Variants in SLC37A1 observed in about 807,000 individuals in gnomAD.
The protein encoded by SLC37A1 is solute carrier family 37 member 1, also known as glucose-6-phosphate exchanger SLC37A1.
Under a neutral mutation model 75.3 loss-of-function variants are expected in SLC37A1, and 49 were observed. The observed-to-expected ratio is 0.65, with a 90% CI of 0.52 to 0.83. The LOEUF (loss-of-function observed/expected upper bound fraction) is 0.83, where lower values mean the gene tolerates loss of function less well. SLC37A1 is among the 40% of genes least tolerant of loss of function. The probability of loss-of-function intolerance (pLI) is 0.00; values close to 1 mark genes in which losing one functional copy is unlikely to be tolerated. For synonymous variants in SLC37A1, 268 were observed against 292.1 expected, an observed-to-expected ratio of 0.92 and a Z score of 0.84; for missense variants, 566 against 695.0, an observed-to-expected ratio of 0.81 and a Z score of 2.09.
rs1483097031 is a variant in SLC37A1, at chr21:42,564,752, G to T, written c.1180G>T (p.Ala394Ser). Residue 394 changes from alanine to serine, a missense_variant, in exon 14 of 20, where the codon GCC (alanine) becomes TCC (serine). By Grantham distance (99) the Ala-to-Ser change is moderately conservative. Coordinates refer to ENST00000352133, the MANE Select transcript of SLC37A1 (RefSeq NM_001320537.2). ...GATCTCAGACCGACTGGAGAAAAGG[G>T]CCTCCACCTGCGGCCTGATGCTGCT... ...GVISDRLEKR[A>S]STCGLMLLLA... 6.2e-7 allele frequency: 1 copy of T among 1,609,390 alleles called. No homozygotes were observed. The highest frequency in any genetic ancestry group is 1.1e-5 in the South Asian group (1 of 91,088).
At chr21:42,529,517 G>A (rs536007670) in intron 3 of SLC37A1, among the ~76,000 whole-genome samples, 4 of 152,198 alleles carry the variant, frequency 2.6e-5, no homozygotes, top group Non-Finnish European at 4.4e-5. Flanking sequence ...CCACACCACC[G>A]CACTCCAGCC....
intron 3 of SLC37A1, 34 bp downstream of exon 3, chr21:42,525,891 T>G (rs2054777444): frequency 6.5e-7 from 1 of 1,542,352 alleles, no homozygotes; most frequent in Non-Finnish European, 9.0e-7. Context: ...CTGTCGTCTC[T>G]GTGAGGAGTT....
chr21:42,530,655 C>CACACACACACACACACACACA (rs1491531929), intron 3 of SLC37A1, among the ~76,000 whole-genome samples: 4 of 25,888 alleles, frequency 1.5e-4, no homozygotes, highest in Admixed American at 6.0e-4. Flanking sequence ...CACACACACA[C>CACACACACACACACACACACA]CCCCTCTGTG....
At chr21:42,573,570 T>G (rs543761025) in intron 17 of SLC37A1, among the ~76,000 whole-genome samples, 10 of 152,000 alleles carry the variant, frequency 6.6e-5, no homozygotes, top group African/African-American at 2.4e-4. Flanking sequence ...AGATAACACA[T>G]GAGTAGCCGA....
Position 42,574,834 on chromosome 21 carries a change from C to G in SLC37A1, c.1440C>G (p.Pro480=), listed in dbSNP as rs746938959. 1.2e-6 allele frequency: 2 copies of G among 1,614,160 alleles called. No individual in the cohort carries two copies. The highest frequency in any genetic ancestry group is 4.5e-5 in the East Asian group (2 of 44,884). ...GTGSVGAALG[P]LLAGLLSPSG... ...TGATTTCAGGAGCAGCCCTGGGCCC[C>G]CTGCTGGCTGGGCTCCTCTCCCCGT... Residue 480 remains proline, a synonymous_variant, in exon 18 of 20, where the codon CCC becomes CCG. Transcript: ENST00000352133.
chr21:42,556,605 T>G (rs2055697929), intron 10 of SLC37A1, among the ~76,000 whole-genome samples: 1 of 152,054 alleles, frequency 6.6e-6, no homozygotes, highest in South Asian at 2.1e-4. Flanking sequence ...AAGCGTGGAG[T>G]GCACTGGCCA....
At chr21:42,531,555 CT>C (rs1204239360) in intron 3 of SLC37A1, among the ~76,000 whole-genome samples, 2 of 152,160 alleles carry the variant, frequency 1.3e-5, no homozygotes, top group Non-Finnish European at 2.9e-5. Context: ...AAGAAAGCTG[CT>C]TTTATGAAAG....
intron 3 of SLC37A1, among the ~76,000 whole-genome samples, chr21:42,530,794 TG>T (rs1052120599): frequency 4.5e-4 from 68 of 152,268 alleles, no homozygotes; most frequent in Non-Finnish European, 5.1e-4. Context: ...CCCTCCAGAC[TG>T]CCTGATAATC....
At chr21:42,575,833 A>C (rs1298508721) in intron 18 of SLC37A1, 12 of 985,268 alleles carry the variant, frequency 1.2e-5, no homozygotes, top group African/African-American at 1.7e-5. Context: ...CTATGAACTT[A>C]CTAGGTTTAA....
intron 9 of SLC37A1, among the ~76,000 whole-genome samples, chr21:42,549,265 G>A (rs563131482): frequency 6.6e-5 from 10 of 152,304 alleles, no homozygotes; most frequent in South Asian, 6.2e-4. Flanking sequence ...GGAAGCAGGC[G>A]TGCAGGGGGT....
Position 42,547,007 on chromosome 21 carries a change from G to T in SLC37A1, c.731-96G>T, listed in dbSNP as rs558287928. On this transcript the variant is annotated intron_variant, in intron 8 of 19. Coordinates refer to ENST00000352133, the MANE Select transcript of SLC37A1 (RefSeq NM_001320537.2). This position sits in a 1 kb window ranked among gnomAD's most constrained non-coding sequence, Gnocchi z 6.1. Reference sequence around the variant, plus strand: ...CTGCATACAGTCCAGTTTCACACCCGGTGCTCCCGTGTTGCCCTGTCCTCG... The same window carrying T: ...CTGCATACAGTCCAGTTTCACACCCTGTGCTCCCGTGTTGCCCTGTCCTCG... The T allele has an allele frequency of 4.9e-6, 7 of 1,424,928 alleles. No individual in the cohort carries two copies. The highest frequency in any genetic ancestry group is 6.9e-6 in the Non-Finnish European group (7 of 1,010,610). 88.3% of individuals were successfully genotyped at this position (1,424,928 alleles called of 1,614,324 possible).
At chr21:42,568,037 G>A (rs115541929) in intron 16 of SLC37A1, among the ~76,000 whole-genome samples, 7,036 of 152,384 alleles carry the variant, frequency 0.046, 502 homozygotes, top group African/African-American at 0.15. Context: ...GCAGGGGCGC[G>A]CGTTGCGCAC....
At chr21:42,524,521 A>T (rs2054732139) in intron 2 of SLC37A1, among the ~76,000 whole-genome samples, 1 of 152,186 alleles carries the variant, frequency 6.6e-6, no homozygotes, top group Non-Finnish European at 1.5e-5. Context: ...GCCGTGAAAT[A>T]TTTATATGTC....
intron 9 of SLC37A1, among the ~76,000 whole-genome samples, chr21:42,551,876 A>C (rs572857346): frequency 2.1e-4 from 32 of 151,976 alleles, no homozygotes; most frequent in African/African-American, 7.5e-4. Flanking sequence ...TGCTTTTGTC[A>C]AAATAAAAAA....
intron 5 of SLC37A1, among the ~76,000 whole-genome samples, chr21:42,539,076 G>A (rs201747037): frequency 1.3e-5 from 2 of 152,206 alleles, no homozygotes; most frequent in South Asian, 2.1e-4. Context: ...ATTACAGCTC[G>A]TGGGGCCGAA....
rs2055112753 is a variant in SLC37A1 at position 42,535,454 on chromosome 21, G to C, written c.272-18G>C. The C allele has an allele frequency of 1.2e-6, 2 of 1,608,224 alleles. No individual in the cohort carries two copies. The highest frequency in any genetic ancestry group is 2.7e-5 in the African/African-American group (2 of 74,814). Reference sequence around the variant, plus strand: ...AAACAATACTGAGCTTGTCCTGCTGGTTTTCAAATTCATATAGATAAGAAC... The same window carrying C: ...AAACAATACTGAGCTTGTCCTGCTGCTTTTCAAATTCATATAGATAAGAAC... On this transcript the variant is annotated intron_variant, in intron 4 of 19. Coordinates refer to ENST00000352133, the MANE Select transcript of SLC37A1 (RefSeq NM_001320537.2).
chr21:42,540,147 A>G (rs1278860453), intron 6 of SLC37A1, among the ~76,000 whole-genome samples: 1 of 152,220 alleles, frequency 6.6e-6, no homozygotes, highest in African/African-American at 2.4e-5. Flanking sequence ...AATTTAAAGC[A>G]TGTATTAGGG....
At chr21:42,501,227 T>G (rs1306835756) in intron 1 of SLC37A1, among the ~76,000 whole-genome samples, 1 of 152,250 alleles carries the variant, frequency 6.6e-6, no homozygotes. Flanking sequence ...AAAATTGACG[T>G]GAAATTTTTT....
intron 3 of SLC37A1, 150 bp downstream of exon 3, chr21:42,526,007 C>T: frequency 3.6e-6 from 2 of 554,036 alleles, no homozygotes; most frequent in Non-Finnish European, 6.4e-6. Context: ...TTTTCGGTTT[C>T]CCTTTGCTAA....
Sources: gnomAD v4.1 joint callset for allele counts (sites outside exome capture counted in the v4.1 genomes callset) on GRCh38, gnomAD v4.1.1 for gene constraint, Gnocchi (gnomAD v3.1) non-coding constraint, MANE v1.5 for transcripts, NCBI Gene and HGNC (gene_info 2026-07-23, HGNC 2026-07-21) for gene names.